The following PDE3B variants were observed in gnomAD, a reference collection of about 807,000 sequenced individuals.
PDE3B encodes phosphodiesterase 3B.
Under a neutral mutation model 116.8 loss-of-function variants are expected in PDE3B, and 66 were observed. The ratio of observed to expected loss-of-function variants is 0.56; its 90% confidence interval spans 0.46 to 0.69. PDE3B has a LOEUF of 0.69. PDE3B is among the 30% of genes least tolerant of loss of function. The probability of loss-of-function intolerance (pLI) is 0.00; values close to 1 mark genes in which losing one functional copy is unlikely to be tolerated. For synonymous variants in PDE3B, 595 were observed against 533.6 expected (o/e 1.12, Z -1.59); for missense variants, 1,384 against 1,368.1 (o/e 1.01, Z -0.18).
intron 1 of PDE3B, among the ~76,000 whole-genome samples, chr11:14,654,493 A>T (rs747636432): frequency 3.9e-5 from 6 of 152,196 alleles, no homozygotes; most frequent in Non-Finnish European, 8.8e-5. Flanking sequence ...ACAATTTTAG[A>T]AAAGGAAAAA....
At chr11:14,833,550 G>A (rs1347882396) in intron 10 of PDE3B, among the ~76,000 whole-genome samples, 1 of 152,028 alleles carries the variant, frequency 6.6e-6, no homozygotes, top group East Asian at 1.9e-4. Context: ...ACTTAAAAAT[G>A]CTTAAAATTG....
chr11:14,850,811 T>G (rs975483604), intron 12 of PDE3B, among the ~76,000 whole-genome samples: 1 of 152,016 alleles, frequency 6.6e-6, no homozygotes, highest in Non-Finnish European at 1.5e-5. Context: ...GACTTGGAAC[T>G]AAATATGTGT....
chr11:14,879,564 G>A, the PDE3B span: 18 of 691,640 alleles, frequency 2.6e-5, no homozygotes, highest in Non-Finnish European at 4.2e-5. Context: ...GATACATCCA[G>A]ATTCAGATTT....
At chr11:14,716,305 T>A (rs935386970) in intron 1 of PDE3B, among the ~76,000 whole-genome samples, 15 of 151,934 alleles carry the variant, frequency 9.9e-5, no homozygotes, top group African/African-American at 3.4e-4. Context: ...AGCACAGCAG[T>A]CTGAGATCAA....
intron 1 of PDE3B, among the ~76,000 whole-genome samples, chr11:14,653,830 C>A (rs1428971266): frequency 6.6e-6 from 1 of 152,074 alleles, no homozygotes; most frequent in Non-Finnish European, 1.5e-5. Flanking sequence ...AAAACCCTGT[C>A]TCTACAAGAT....
intron 7 of PDE3B, among the ~76,000 whole-genome samples, chr11:14,827,719 T>A (rs1472044083): frequency 6.6e-6 from 1 of 152,082 alleles, no homozygotes. Flanking sequence ...AGAATCAATA[T>A]CATTAAAATG....
intron 5 of PDE3B, among the ~76,000 whole-genome samples, chr11:14,808,059 CAAAAAAAAAA>C (rs765095329): frequency 4.5e-5 from 3 of 67,386 alleles, no homozygotes; most frequent in Non-Finnish European, 9.0e-5. Flanking sequence ...GCCTTCGTCT[CAAAAAAAAAA>C]AAAAAAAAGT....
At position 14,671,537 on chromosome 11, in the gene PDE3B, T is replaced by C. The variant is rs1854367803; in HGVS notation, c.978+26484T>C. Among the ~76,000 whole-genome samples, 4 of 152,144 alleles carry C rather than the reference T, an allele frequency of 2.6e-5. No individual in the cohort carries two copies. In the South Asian group the frequency reaches 8.3e-4, roughly 32 times the overall value. ...ACTCCAATTGCATTCTAATGGCAAG[T>C]CATGAGACAATTTTATGGTATAATT... On this transcript the variant is annotated intron_variant, in intron 1 of 15. Transcript: ENST00000282096.
chr11:14,822,827 A>C (rs1253376311), intron 7 of PDE3B, among the ~76,000 whole-genome samples: 4 of 152,186 alleles, frequency 2.6e-5, no homozygotes, highest in East Asian at 3.9e-4. Flanking sequence ...TCCCATGTCC[A>C]CAGCACCTTG....
chr11:14,705,153 T>C (rs1478585049), intron 1 of PDE3B, among the ~76,000 whole-genome samples: 1 of 151,768 alleles, frequency 6.6e-6, no homozygotes, highest in Non-Finnish European at 1.5e-5. Context: ...AATTCTCTCC[T>C]AGGTATTTAT....
At chr11:14,767,469 C>T (rs934013274) in intron 1 of PDE3B, among the ~76,000 whole-genome samples, 5 of 151,354 alleles carry the variant, frequency 3.3e-5, no homozygotes, top group Admixed American at 1.3e-4. Context: ...ATTTATGTTA[C>T]CCTATTTTTA....
the PDE3B span, chr11:14,891,367 C>G: frequency 2.0e-6 from 2 of 985,468 alleles, no homozygotes; most frequent in African/African-American, 3.5e-5. Context: ...GCATTACCAT[C>G]TGCGCTGTAG....
At chr11:14,868,284 T>G (rs937453822) in intron 15 of PDE3B, among the ~76,000 whole-genome samples, 1 of 152,212 alleles carries the variant, frequency 6.6e-6, no homozygotes, top group Non-Finnish European at 1.5e-5. Context: ...TCTGAACATA[T>G]GTGAGGTGGA....
Position 14,644,971 on chromosome 11 carries a change from C to A in PDE3B, c.896C>A (p.Ser299Ter). 6.2e-7 allele frequency: 1 copy of A among 1,613,892 alleles called. No individual in the cohort carries two copies. The highest frequency in any genetic ancestry group is 8.5e-7 in the Non-Finnish European group (1 of 1,179,962). Reference sequence around the variant, plus strand: ...CCCCGGAGGAGGTCCAGCTGCGTGTCGTTAGGAGAAACTGCAGCCAGTTAC... The same window carrying A: ...CCCCGGAGGAGGTCCAGCTGCGTGTAGTTAGGAGAAACTGCAGCCAGTTAC... The part of the protein sequence containing the change: ...IRPRRRSSCV[S>*]LGETAASYYG... Residue 299 changes from serine to a stop codon, truncating the protein, a stop_gained, in exon 1 of 16, where the codon TCG becomes TAG. Coordinates refer to ENST00000282096, the MANE Select transcript of PDE3B (RefSeq NM_000922.4). LOFTEE classifies it high-confidence loss of function.
At chr11:14,664,391 G>T (rs1456729609) in intron 1 of PDE3B, among the ~76,000 whole-genome samples, 1 of 152,104 alleles carries the variant, frequency 6.6e-6, no homozygotes, top group Non-Finnish European at 1.5e-5. Context: ...TCAAAAGCTA[G>T]CAGAAGGCAA....
At chr11:14,667,233 A>G (rs562780744) in intron 1 of PDE3B, among the ~76,000 whole-genome samples, 8 of 150,088 alleles carry the variant, frequency 5.3e-5, no homozygotes, top group African/African-American at 1.7e-4. Context: ...GAATTGAACA[A>G]TGAGAACACA....
chr11:14,659,619 G>A (rs1057496288), intron 1 of PDE3B, among the ~76,000 whole-genome samples: 9 of 152,286 alleles, frequency 5.9e-5, no homozygotes, highest in East Asian at 5.8e-4. Flanking sequence ...ATTAAGCCTA[G>A]TACCCATTAG....
chr11:14,880,256 T>C, the PDE3B span: 11 of 1,613,108 alleles, frequency 6.8e-6, no homozygotes, highest in South Asian at 1.2e-4. Flanking sequence ...TTGGAGAAAG[T>C]AGATGATGGG....
intron 2 of PDE3B, among the ~76,000 whole-genome samples, chr11:14,784,123 G>A (rs1271877887): frequency 3.3e-5 from 5 of 152,130 alleles, no homozygotes; most frequent in South Asian, 4.1e-4. Context: ...CCATCTCCTC[G>A]CACCCCTACC....
Sources: gnomAD v4.1 joint callset for allele counts (sites outside exome capture counted in the v4.1 genomes callset) on GRCh38, gnomAD v4.1.1 for gene constraint, MANE v1.5 for transcripts, NCBI Gene and HGNC (gene_info 2026-07-23, HGNC 2026-07-21) for gene names.